DIS3L2: variants seen among roughly 807,000 people sequenced by gnomAD.
DIS3L2 encodes the protein DIS3-like exonuclease 2.
A neutral mutation model predicts 97.5 loss-of-function variants in DIS3L2; 34 were observed. The ratio of observed to expected loss-of-function variants is 0.35; its 90% CI spans 0.27 to 0.46. DIS3L2 has a LOEUF of 0.46. DIS3L2 is among the 20% of genes least tolerant of loss of function. The pLI is 1.00. For synonymous variants in DIS3L2, 435 were observed against 445.2 expected (o/e 0.98, Z 0.29); for missense variants, 1,038 against 1,146.0 (o/e 0.91, Z 1.36).
chr2:232,159,234 C>T (rs1317473909), intron 8 of DIS3L2, among the ~76,000 whole-genome samples: 2 of 152,160 alleles, frequency 1.3e-5, no homozygotes, highest in Non-Finnish European at 2.9e-5. Flanking sequence ...AACAAGAAGC[C>T]CAACCATCAT....
chr2:232,256,992 C>T (rs1212948438), intron 12 of DIS3L2, among the ~76,000 whole-genome samples: 6 of 152,066 alleles, frequency 3.9e-5, no homozygotes, highest in African/African-American at 4.8e-5. Context: ...GTGGTGGGCA[C>T]CTGTAGTCCC....
chr2:232,325,686 C>T lies in DIS3L2; in HGVS notation c.1740-4127C>T, dbSNP rs1695551142. 6.6e-6 allele frequency among the ~76,000 whole-genome samples: 1 copy of T among 152,210 alleles called. No homozygotes were observed. Among genetic ancestry groups the T allele is most frequent in the Admixed American group, 6.5e-5 (1 of 15,288 alleles). On this transcript the variant is annotated intron_variant, in intron 14 of 20. Transcript: ENST00000325385. The surrounding 1 kb of genome is among the most constrained non-coding windows in gnomAD (Gnocchi z 4.6). ...ATGCCAGGCCTGGATCCAAGGCCCC[C>T]GTCTCCGAGGCCTTAGCTTGCTGTT...
At chr2:232,263,095 A>T (rs1201924035) in intron 12 of DIS3L2, 112 bp from the exon 13 acceptor site, 20 of 1,116,350 alleles carry the variant, frequency 1.8e-5, no homozygotes, top group Non-Finnish European at 2.6e-5. Context: ...CCGAGCACAC[A>T]GTCAGTGCTC....
Position 232,062,577 on chromosome 2 carries a change from T to C in DIS3L2, c.367-24910T>C, listed in dbSNP as rs552071935. On this transcript the variant is annotated intron_variant, in intron 5 of 20. Coordinates refer to ENST00000325385, the MANE Select transcript of DIS3L2 (RefSeq NM_152383.5). ...CATTTGGACATGTCCTCATCGTTCT[T>C]TGAACACTTGTTTATTTCCTGGTGA... Among the ~76,000 whole-genome samples, 9 of 152,288 alleles carry C rather than the reference T, an allele frequency of 5.9e-5. No individual in the cohort carries two copies. The East Asian group carries it at 1.4e-3, about 23-fold the overall frequency.
At position 231,970,574 on chromosome 2, in the gene DIS3L2, A is replaced by T. The variant is rs569924746; in HGVS notation, c.-94+8809A>T. On this transcript the variant is annotated intron_variant, in intron 1 of 20. Transcript: ENST00000325385. Reference sequence around the variant, plus strand: ...ACAGTAAAAATACAATATAAAAGATAAAAAAATGGTACACCTGTATAGGGC... The same window carrying T: ...ACAGTAAAAATACAATATAAAAGATTAAAAAATGGTACACCTGTATAGGGC... 7.2e-5 allele frequency among the ~76,000 whole-genome samples: 11 copies of T among 152,296 alleles called. No individual in the cohort carries two copies. In the East Asian group the frequency reaches 1.9e-3, roughly 27 times the overall value.
chr2:232,214,014 C>A (rs758946579), intron 10 of DIS3L2, among the ~76,000 whole-genome samples: 35 of 152,218 alleles, frequency 2.3e-4, no homozygotes, highest in Non-Finnish European at 4.6e-4. Context: ...TAAAAACACA[C>A]TTCAGGAGAA....
intron 2 of DIS3L2, 118 bp downstream of exon 2, chr2:232,015,097 C>G (rs924182328): frequency 7.5e-5 from 71 of 943,516 alleles, no homozygotes; most frequent in Non-Finnish European, 1.1e-4. Context: ...TTTTAGTGAC[C>G]TGTTAAGTAT....
intron 9 of DIS3L2, among the ~76,000 whole-genome samples, chr2:232,184,934 G>A (rs567551869): frequency 2.0e-5 from 3 of 152,228 alleles, no homozygotes; most frequent in East Asian, 3.9e-4. Flanking sequence ...TCCAGGGCCC[G>A]TCTTGAATGC....
chr2:232,058,682 A>G (rs899213666), intron 5 of DIS3L2, among the ~76,000 whole-genome samples: 6 of 152,184 alleles, frequency 3.9e-5, no homozygotes, highest in African/African-American at 9.7e-5. Context: ...TCTTGAGTCA[A>G]TAAGGAGTTA....
chr2:232,224,325 CTTTATACCACACAT>C (rs1269482212), intron 10 of DIS3L2, among the ~76,000 whole-genome samples: 1 of 152,142 alleles, frequency 6.6e-6, no homozygotes, highest in African/African-American at 2.4e-5. Flanking sequence ...TTGACCCCTA[CTTTATACCACACAT>C]AAAAATGAAT....
intron 8 of DIS3L2, among the ~76,000 whole-genome samples, chr2:232,144,709 C>G (rs1186204741): frequency 1.3e-5 from 2 of 152,120 alleles, no homozygotes; most frequent in East Asian, 3.9e-4. Context: ...GAATCTGGGT[C>G]CAGAATCCCG....
In DIS3L2 at chr2:232,158,609, G is replaced by T. The variant is rs1690565683; in HGVS notation, c.951-4850G>T. Among the ~76,000 whole-genome samples, 3 of 152,010 alleles carry T rather than the reference G, an allele frequency of 2.0e-5. No homozygotes were observed. The South Asian group carries it at 6.2e-4, about 32-fold the overall frequency. On this transcript the variant is annotated intron_variant, in intron 8 of 20. Coordinates refer to ENST00000325385, the MANE Select transcript of DIS3L2 (RefSeq NM_152383.5). ...TTCTTTGTTTCTCCCCCTTTTTCTG[G>T]CTCTCGAAGCTTCTCACTGTTTCTG...
rs1033999116 is a variant in DIS3L2 at position 232,336,951 on chromosome 2, C to G, written c.*321C>G. On this transcript the variant is annotated 3_prime_UTR_variant, in exon 21 of 21. Transcript: ENST00000325385. The stretch of plus-strand genomic sequence containing the variant: ...GGGGGGTTTCAGCAACTCAGTGTCA[C>G]AGAATAAAATCAAGTGTGGAGTGCC... 5 of 1,183,958 alleles carry G rather than the reference C, an allele frequency of 4.2e-6. No individual in the cohort carries two copies. The African/African-American group carries it at 8.1e-5, about 19-fold the overall frequency. 73.3% of individuals were successfully genotyped at this position (1,183,958 alleles called of 1,614,324 possible). A position where few individuals can be genotyped will look rare whatever the true frequency, so the allele number is the denominator to read the frequency against.
At chr2:232,205,643 G>A (rs796548497) in intron 9 of DIS3L2, among the ~76,000 whole-genome samples, 1 of 152,094 alleles carries the variant, frequency 6.6e-6, no homozygotes, top group African/African-American at 2.4e-5. Flanking sequence ...AAAGGAACAC[G>A]TGAGTAGGAA....
intron 9 of DIS3L2, among the ~76,000 whole-genome samples, chr2:232,172,209 A>G (rs1691012388): frequency 6.6e-6 from 1 of 152,194 alleles, no homozygotes; most frequent in Non-Finnish European, 1.5e-5. Context: ...TTTCTCGTAT[A>G]TTGGTAGATT....
At chr2:232,199,046 G>C (rs1272329306) in intron 9 of DIS3L2, among the ~76,000 whole-genome samples, 1 of 151,980 alleles carries the variant, frequency 6.6e-6, no homozygotes, top group Non-Finnish European at 1.5e-5. Flanking sequence ...TCTCAAATGT[G>C]TCCCAAACCC....
At chr2:232,217,968 T>G (rs538291753) in intron 10 of DIS3L2, among the ~76,000 whole-genome samples, 41 of 152,332 alleles carry the variant, frequency 2.7e-4, no homozygotes, top group Admixed American at 7.8e-4. Flanking sequence ...TGCAGATGCT[T>G]CTTGGCCTCT....
chr2:232,263,380 C>A lies in DIS3L2; in HGVS notation c.1599C>A (p.His533Gln). The A allele has an allele frequency of 2.5e-6, 4 of 1,614,196 alleles. No homozygotes were observed. Among genetic ancestry groups the A allele is most frequent in the South Asian group, 1.1e-5 (1 of 91,078 alleles). ...TACACCAGGCCGTCTTGAATCTCCA[C>A]GGAATTGCCAAGCAGTTACGCCAGC... Reference protein sequence around the residue: ...EEVHQAVLNLHGIAKQLRQQR... With the variant: ...EEVHQAVLNLQGIAKQLRQQR... The change falls in exon 13 of 21, where the codon CAC becomes CAA. Residue 533 changes from histidine to glutamine, a missense_variant. Transcript: ENST00000325385.
chr2:232,196,124 A>G (rs1175957402), intron 9 of DIS3L2, among the ~76,000 whole-genome samples: 2 of 152,102 alleles, frequency 1.3e-5, no homozygotes, highest in African/African-American at 4.8e-5. Context: ...ATACTATTAT[A>G]CAGGGTCTTG....
Sources: gnomAD v4.1 joint callset for allele counts (sites outside exome capture counted in the v4.1 genomes callset) on GRCh38, gnomAD v4.1.1 for gene constraint, Gnocchi (gnomAD v3.1) non-coding constraint, MANE v1.5 for transcripts, NCBI Gene and HGNC (gene_info 2026-07-23, HGNC 2026-07-21) for gene names.